The following DNMT3L variants were observed in gnomAD, a reference collection of about 807,000 sequenced individuals.
DNMT3L encodes the protein DNA methyltransferase 3 like.
A neutral mutation model predicts 36.2 loss-of-function variants in DNMT3L; 33 were observed. The ratio of observed to expected loss-of-function variants is 0.91; its 90% CI spans 0.69 to 1.22. The LOEUF (loss-of-function observed/expected upper bound fraction) is 1.22. DNMT3L is among the 50% of genes most tolerant of loss of function. The pLI is 0.00. For synonymous variants in DNMT3L, 117 were observed against 121.7 expected, an observed-to-expected ratio of 0.96 and a Z score of 0.26; for missense variants, 310 against 303.1, an observed-to-expected ratio of 1.02 and a Z score of -0.17.
intron 8 of DNMT3L, among the ~76,000 whole-genome samples, chr21:44,254,177 C>T (rs531586865): frequency 1.3e-5 from 2 of 152,352 alleles, no homozygotes; most frequent in East Asian, 1.9e-4. Flanking sequence ...TGCTTTCAAA[C>T]AGTGACCAGT....
At position 44,259,457 on chromosome 21, in the gene DNMT3L, G is replaced by C. The variant is rs757807037; in HGVS notation, c.324C>G (p.Cys108Trp). 5 of 1,613,478 alleles carry C rather than the reference G, an allele frequency of 3.1e-6. No homozygotes were observed. The African/African-American group carries it at 5.3e-5, about 17-fold the overall frequency. The change falls in exon 5 of 12, where the codon TGC becomes TGG. Residue 108 changes from cysteine to tryptophan, a missense_variant. Transcript: ENST00000628202. ...ICCSGETLLI[C>W]GNPDCTRCYC... ...CTCACCGGGTGCAATCAGGGTTTCC[G>C]CAGATGAGCAGCGTCTCTCCGGAGC...
rs188794622 is a variant in DNMT3L at position 44,261,594 on chromosome 21, C to T, written c.-8+146G>A. The stretch of plus-strand genomic sequence containing the variant: ...AATGGCCGCTGCAGCCCCTGCTTTC[C>T]TCTGGGCCCAGCCTTCGACCCCTCA... On this transcript the variant is annotated intron_variant, in intron 1 of 11. Coordinates refer to ENST00000628202, the MANE Select transcript of DNMT3L (RefSeq NM_175867.3). 8.5e-3 allele frequency: 2,308 copies of T among 270,854 alleles called. 17 individuals carry two copies. Among genetic ancestry groups the T allele is most frequent in the Non-Finnish European group, 0.013 (1,818 of 138,904 alleles). 16.8% of individuals were successfully genotyped at this position (270,854 alleles called of 1,614,324 possible). A position where few individuals can be genotyped will look rare whatever the true frequency, so the allele number is the denominator to read the frequency against.
chr21:44,256,624 T>C (rs1258948276), intron 6 of DNMT3L, among the ~76,000 whole-genome samples: 1 of 151,896 alleles, frequency 6.6e-6, no homozygotes, highest in East Asian at 1.9e-4. Context: ...AGTTTCACCA[T>C]ATTGGCCAGG....
intron 2 of DNMT3L, 56 bp downstream of exon 2, chr21:44,261,098 C>G: frequency 6.3e-7 from 1 of 1,587,304 alleles, no homozygotes; most frequent in Non-Finnish European, 8.6e-7. Context: ...CAGACCTCAT[C>G]CAGGCCTGGG....
At chr21:44,259,393 T>A (rs1407559553) in intron 5 of DNMT3L, 44 bp downstream of exon 5, 4 of 1,583,166 alleles carry the variant, frequency 2.5e-6, no homozygotes, top group Non-Finnish European at 3.5e-6. Flanking sequence ...AGGATGGGTG[T>A]GTCCTCAGCC....
chr21:44,261,124 G>T, intron 2 of DNMT3L, 30 bp downstream of exon 2: 1 of 1,606,398 alleles, frequency 6.2e-7, no homozygotes, highest in South Asian at 1.1e-5. Context: ...CATCCTAAGT[G>T]ACTGGTCCAA....
chr21:44,255,617 C>T (rs886967786), intron 7 of DNMT3L, among the ~76,000 whole-genome samples: 4 of 152,156 alleles, frequency 2.6e-5, no homozygotes, highest in Non-Finnish European at 5.9e-5. Flanking sequence ...CACTCTGCAG[C>T]TGGTGTGAGC....
At chr21:44,259,343 G>C in intron 5 of DNMT3L, 94 bp downstream of exon 5, 1 of 1,269,194 alleles carries the variant, frequency 7.9e-7, no homozygotes, top group Non-Finnish European at 1.1e-6. Context: ...TCATCCATTT[G>C]GGAAGAAAAT....
chr21:44,257,689 A>T lies in DNMT3L; in HGVS notation c.516+834T>A, dbSNP rs200431918. Among the ~76,000 whole-genome samples, 344 of 58,252 alleles carry T rather than the reference A, an allele frequency of 5.9e-3. 4 individuals are homozygous for T. The highest frequency in any genetic ancestry group is 0.025 in the South Asian group (49 of 1,990). The allele number at this position is 58,252 out of a possible 152,430, so 38.2% of individuals were successfully genotyped here. ...GAGCGAGACTCCGTCTCAAAAAAAA[A>T]AAAAAAATAAATAAATAAATAAATA... On this transcript the variant is annotated intron_variant, in intron 6 of 11. Coordinates refer to ENST00000628202, the MANE Select transcript of DNMT3L (RefSeq NM_175867.3).
Position 44,256,144 on chromosome 21 carries a change from A to G in DNMT3L, c.527T>C (p.Leu176Pro), listed in dbSNP as rs1381528809. 1.9e-6 allele frequency: 3 copies of G among 1,613,854 alleles called. No individual in the cohort carries two copies. The highest frequency in any genetic ancestry group is 1.7e-6 in the Non-Finnish European group (2 of 1,179,978). The stretch of plus-strand genomic sequence containing the variant: ...CACAGGCACGGTTTCGAACATCTCA[A>G]GGGGATTCTCCTATTTATTAAAAAA... ...AFYDRESENP[L>P]EMFETVPVWR... Residue 176 changes from leucine to proline, a missense_variant, in exon 7 of 12, where the codon CTT becomes CCT. Physicochemically the swap from Leu to Pro is moderately conservative, Grantham distance 98. Coordinates refer to ENST00000628202, the MANE Select transcript of DNMT3L (RefSeq NM_175867.3).
Position 44,254,647 on chromosome 21 carries a change from C to A in DNMT3L, c.663G>T (p.Val221=), listed in dbSNP as rs916450371. ...TCCTCACTGTGTCTGTGACATCAAC[C>A]ACATGCTTCAGTTGTCCCGGGTCAG... The part of the protein sequence containing the change: ...SGSDPGQLKH[V]VDVTDTVRKD... Residue 221 remains valine, a synonymous_variant, in exon 8 of 12, where the codon GTG becomes GTT. Coordinates refer to ENST00000628202, the MANE Select transcript of DNMT3L (RefSeq NM_175867.3). The A allele has an allele frequency of 1.2e-6, 2 of 1,614,006 alleles. No homozygotes were observed. The highest frequency in any genetic ancestry group is 1.7e-6 in the Non-Finnish European group (2 of 1,179,976).
At chr21:44,254,235 G>T (rs146782094) in intron 8 of DNMT3L, among the ~76,000 whole-genome samples, 1 of 152,226 alleles carries the variant, frequency 6.6e-6, no homozygotes, top group Non-Finnish European at 1.5e-5. Flanking sequence ...TGGAGTGGGG[G>T]TTCAGCCCCT....
intron 2 of DNMT3L, 83 bp from the exon 3 acceptor site, chr21:44,260,922 T>A: frequency 1.2e-6 from 2 of 1,604,864 alleles, no homozygotes. Context: ...AGCATCACAA[T>A]TCGTTTTCCA....
At chr21:44,254,741 A>G in intron 7 of DNMT3L, 36 bp from the exon 8 acceptor site, 1 of 1,610,812 alleles carries the variant, frequency 6.2e-7, no homozygotes, top group Non-Finnish European at 8.5e-7. Flanking sequence ...CCAGAGGGTG[A>G]GCGTGGATTG....
At position 44,261,864 on chromosome 21, in the gene DNMT3L, G is replaced by A. The variant is rs1303841641; in HGVS notation, c.-132C>T. On this transcript the variant is annotated 5_prime_UTR_variant, in exon 1 of 12. Transcript: ENST00000628202. The stretch of plus-strand genomic sequence containing the variant: ...TGGAACGAGGGACGGCGCAGGCAAA[G>A]AATGAGCTGGAAGGATCCAGGCCCA... 1 of 151,486 alleles carries A rather than the reference G, an allele frequency of 6.6e-6. No individual in the cohort carries two copies. The highest frequency in any genetic ancestry group is 1.5e-5 in the Non-Finnish European group (1 of 68,114). 9.4% of individuals were successfully genotyped at this position (151,486 alleles called of 1,614,324 possible).
At position 44,258,618 on chromosome 21, in the gene DNMT3L, C is replaced by T; in HGVS notation, c.421G>A (p.Val141Met). ...SGKVHAMSNW[V>M]CYLCLPSSRS... ...GAGGACGGCAGGCACAGGTAGCACA[C>T]CCAGTTGCTCATGGCGTGCACCTTC... The change falls in exon 6 of 12, where the codon GTG becomes ATG. Residue 141 changes from valine (V) to methionine (M), a missense_variant. Physicochemically the swap from Val to Met is conservative, Grantham distance 21. Transcript: ENST00000628202. The surrounding 1 kb of genome is among the most constrained non-coding windows in gnomAD (Gnocchi z 6.2). 1 of 1,612,688 alleles carries T rather than the reference C, an allele frequency of 6.2e-7. No individual in the cohort carries two copies. Among genetic ancestry groups the T allele is most frequent in the Non-Finnish European group, 8.5e-7 (1 of 1,179,924 alleles).
chr21:44,261,600 G>T, intron 1 of DNMT3L, 140 bp downstream of exon 1: 1 of 260,682 alleles, frequency 3.8e-6, no homozygotes, highest in Admixed American at 4.8e-5. Context: ...TTTCCTCTGG[G>T]CCCAGCCTTC....
intron 7 of DNMT3L, among the ~76,000 whole-genome samples, chr21:44,255,106 G>A (rs1288804216): frequency 2.6e-5 from 4 of 152,230 alleles, no homozygotes; most frequent in East Asian, 1.9e-4. Flanking sequence ...GGGATTACAC[G>A]TGTGAGCCAC....
chr21:44,259,631 C>A lies in DNMT3L; in HGVS notation c.231+1G>T. ...GAGTCACCCCCAGCCTCCCTGCCTA[C>A]CTTACATGGGGCGCAGATCCCTCCC... On this transcript the variant is annotated splice_donor_variant, in intron 4 of 11. Coordinates refer to ENST00000628202, the MANE Select transcript of DNMT3L (RefSeq NM_175867.3). LOFTEE classifies it high-confidence loss of function. The A allele has an allele frequency of 6.2e-7, 1 of 1,613,318 alleles. No homozygotes were observed. The highest frequency in any genetic ancestry group is 8.5e-7 in the Non-Finnish European group (1 of 1,179,898).
Sources: allele counts gnomAD v4.1 joint callset (sites outside exome capture counted in the v4.1 genomes callset), GRCh38; gene constraint gnomAD v4.1.1; non-coding constraint Gnocchi (gnomAD v3.1); transcripts MANE v1.5; gene names NCBI Gene and HGNC (gene_info 2026-07-23, HGNC 2026-07-21).